Variants in AGBL1 observed in about 807,000 individuals in gnomAD.
The protein encoded by AGBL1 is AGBL carboxypeptidase 1.
AGBL1 carries 130 observed loss-of-function variants against 118.9 expected under a neutral mutation model. The ratio of observed to expected loss-of-function variants is 1.09; its 90% CI spans 0.95 to 1.26. The LOEUF is 1.26. AGBL1 is among the 50% of genes most tolerant of loss of function. The pLI, the probability that AGBL1 is intolerant of heterozygous loss-of-function variation, is 0.00. For missense variants in AGBL1, 1,584 were observed against 1,298.1 expected (o/e 1.22, Z -3.38); for synonymous variants, 555 against 478.9 (o/e 1.16, Z -2.08).
At chr15:86,989,284 A>G (rs1169297818) in intron 24 of AGBL1, among the ~76,000 whole-genome samples, 2 of 152,128 alleles carry the variant, frequency 1.3e-5, no homozygotes, top group Non-Finnish European at 2.9e-5. Flanking sequence ...TACAGGCATG[A>G]GCCACCACAC....
At chr15:86,230,678 C>T (rs1385182550) in intron 6 of AGBL1, among the ~76,000 whole-genome samples, 1 of 152,132 alleles carries the variant, frequency 6.6e-6, no homozygotes, top group Non-Finnish European at 1.5e-5. Context: ...GCTGTCTCAT[C>T]CAGGGATATT....
chr15:86,757,100 GTAT>G (rs2077953663), intron 22 of AGBL1, among the ~76,000 whole-genome samples: 2 of 152,020 alleles, frequency 1.3e-5, no homozygotes, highest in African/African-American at 4.8e-5. Context: ...GATTTTCTGA[GTAT>G]TTATAAATTC....
At chr15:86,080,991 G>C (rs118131255) in intron 1 of AGBL1, among the ~76,000 whole-genome samples, 1 of 152,116 alleles carries the variant, frequency 6.6e-6, no homozygotes, top group Non-Finnish European at 1.5e-5. Flanking sequence ...CATTTTGTAC[G>C]TATTTTCCTT....
intron 1 of AGBL1, among the ~76,000 whole-genome samples, chr15:86,130,877 G>A (rs1036729183): frequency 6.6e-6 from 1 of 152,122 alleles, no homozygotes; most frequent in African/African-American, 2.4e-5. Context: ...TTCTTTCCTG[G>A]TGTCTCTTGT....
At chr15:86,308,826 TTG>T (rs2079878677) in intron 17 of AGBL1, among the ~76,000 whole-genome samples, 1 of 152,194 alleles carries the variant, frequency 6.6e-6, no homozygotes, top group Non-Finnish European at 1.5e-5. Flanking sequence ...TACTACAGCT[TTG>T]TAGTATATTT....
intron 6 of AGBL1, 128 bp from the exon 7 acceptor site, chr15:86,247,543 T>C (rs2078740455): frequency 2.8e-6 from 3 of 1,064,234 alleles, no homozygotes; most frequent in Non-Finnish European, 4.2e-6. Flanking sequence ...TCTGCCAGTT[T>C]TCATACTAAA....
chr15:86,176,943 C>A (rs970077220), intron 5 of AGBL1, among the ~76,000 whole-genome samples: 2 of 152,172 alleles, frequency 1.3e-5, no homozygotes, highest in African/African-American at 2.4e-5. Flanking sequence ...CAGAGCTGTT[C>A]TTAATCCTGG....
intron 1 of AGBL1, among the ~76,000 whole-genome samples, chr15:86,135,703 G>A (rs2076880187): frequency 6.6e-6 from 1 of 152,194 alleles, no homozygotes; most frequent in Non-Finnish European, 1.5e-5. Context: ...CTCTAGAGGA[G>A]CTCACAGTCT....
At chr15:86,164,885 T>C (rs1567097965) in intron 5 of AGBL1, among the ~76,000 whole-genome samples, 1 of 152,208 alleles carries the variant, frequency 6.6e-6, no homozygotes, top group Non-Finnish European at 1.5e-5. Context: ...TCATTTTCTC[T>C]GGAGCTGCCC....
intron 18 of AGBL1, among the ~76,000 whole-genome samples, chr15:86,466,005 G>A (rs990016937): frequency 1.1e-4 from 17 of 152,078 alleles, no homozygotes; most frequent in South Asian, 2.1e-4. Context: ...GGAACCTGCC[G>A]ACATGTGATG....
intron 1 of AGBL1, among the ~76,000 whole-genome samples, chr15:86,107,159 A>C (rs534390013): frequency 2.6e-5 from 4 of 152,378 alleles, no homozygotes; most frequent in African/African-American, 7.2e-5. Context: ...TGAATATGGC[A>C]TCCTGTGGTT....
intron 21 of AGBL1, among the ~76,000 whole-genome samples, chr15:86,672,540 C>T (rs2085765056): frequency 6.6e-6 from 1 of 152,234 alleles, no homozygotes; most frequent in East Asian, 1.9e-4. Context: ...ACTCTCATTC[C>T]CCTTCTCGCC....
chr15:86,431,506 C>T (rs998045582), intron 18 of AGBL1, among the ~76,000 whole-genome samples: 17 of 152,250 alleles, frequency 1.1e-4, no homozygotes, highest in African/African-American at 9.6e-5. Context: ...GCGCTAATGC[C>T]GTCCACAGTG....
chr15:86,511,013 C>G (rs2083046880), intron 18 of AGBL1, among the ~76,000 whole-genome samples: 1 of 152,084 alleles, frequency 6.6e-6, no homozygotes, highest in Admixed American at 6.6e-5. Context: ...CCTGGAAGGA[C>G]TTATTCACTG....
intron 21 of AGBL1, among the ~76,000 whole-genome samples, chr15:86,649,703 G>GTT (rs147029398): frequency 0.041 from 5,778 of 140,166 alleles, 264 homozygotes; most frequent in East Asian, 0.19. Flanking sequence ...ATTAATTTGG[G>GTT]TTTTTTTTCT....
Position 86,562,064 on chromosome 15 carries a change from T to C in AGBL1, c.2994+7527T>C, listed in dbSNP as rs1791334240. Among the ~76,000 whole-genome samples, 3 of 152,232 alleles carry C rather than the reference T, an allele frequency of 2.0e-5. No homozygotes were observed. In the South Asian group the frequency reaches 6.2e-4, roughly 31 times the overall value. ...TTAAGGAGATTTTGGGCTGAAACGA[T>C]GGGGTTTTCTAAATATACAATTATG... On this transcript the variant is annotated intron_variant, in intron 21 of 22. Coordinates refer to ENST00000614907, the MANE Select transcript of AGBL1 (RefSeq NM_001386094.1).
At chr15:87,020,281 G>T (rs1231223703) in intron 24 of AGBL1, among the ~76,000 whole-genome samples, 1 of 152,016 alleles carries the variant, frequency 6.6e-6, no homozygotes, top group South Asian at 2.1e-4. Context: ...TGCAGACAAG[G>T]CCTTCAATAA....
At chr15:86,972,481 A>G (rs779078742) in intron 23 of AGBL1, among the ~76,000 whole-genome samples, 2 of 152,028 alleles carry the variant, frequency 1.3e-5, no homozygotes, top group African/African-American at 4.8e-5. Flanking sequence ...AGCGTTTTTT[A>G]TTTACTGAAA....
intron 22 of AGBL1, among the ~76,000 whole-genome samples, chr15:86,708,005 T>A (rs1361741552): frequency 6.6e-6 from 1 of 152,108 alleles, no homozygotes; most frequent in Non-Finnish European, 1.5e-5. Flanking sequence ...GACATTCCAT[T>A]TAACTTGTTG....
Sources: gnomAD v4.1 joint callset for allele counts (sites outside exome capture counted in the v4.1 genomes callset) on GRCh38, gnomAD v4.1.1 for gene constraint, MANE v1.5 for transcripts, NCBI Gene and HGNC (gene_info 2026-07-23, HGNC 2026-07-21) for gene names.